Variants in CCNY observed in about 807,000 individuals in gnomAD.
The protein encoded by CCNY is cyclin Y, also known as cyclin-Y.
Under a neutral mutation model 42.8 loss-of-function variants are expected in CCNY, and 19 were observed. The observed-to-expected ratio is 0.44, with a 90% CI of 0.31 to 0.65. The LOEUF (loss-of-function observed/expected upper bound fraction) is 0.65, where lower values mean the gene tolerates loss of function less well. Among genes scored for constraint, CCNY ranks in the 30% least tolerant of loss-of-function variants. CCNY has a pLI of 0.07. For missense variants in CCNY, 370 were observed against 437.3 expected, an observed-to-expected ratio of 0.85 and a Z score of 1.37; for synonymous variants, 165 against 162.7, an observed-to-expected ratio of 1.01 and a Z score of -0.11.
At chr10:35,485,612 C>G (rs1272902568) in intron 2 of CCNY, among the ~76,000 whole-genome samples, 1 of 151,926 alleles carries the variant, frequency 6.6e-6, no homozygotes, top group Non-Finnish European at 1.5e-5. Context: ...GTATTCCCAG[C>G]CACTCAGGAG....
intron 3 of CCNY, among the ~76,000 whole-genome samples, chr10:35,266,334 A>G (rs895104988): frequency 3.2e-4 from 46 of 142,522 alleles, no homozygotes; most frequent in Middle Eastern, 3.6e-3. Flanking sequence ...TCCTGACCTC[A>G]GGTGATCTAC....
At chr10:35,514,810 A>AT (rs1840395680) in intron 3 of CCNY, among the ~76,000 whole-genome samples, 1 of 152,222 alleles carries the variant, frequency 6.6e-6, no homozygotes, top group African/African-American at 2.4e-5. Context: ...ACCAGAAAAA[A>AT]TTTAATTAAT....
At chr10:35,444,117 T>C (rs1838736086) in intron 1 of CCNY, among the ~76,000 whole-genome samples, 1 of 150,244 alleles carries the variant, frequency 6.7e-6, no homozygotes, top group Non-Finnish European at 1.5e-5. Context: ...TGAATACCCA[T>C]TTCCAACACA....
At chr10:35,405,877 G>A (rs1038836607) in intron 1 of CCNY, among the ~76,000 whole-genome samples, 3 of 152,188 alleles carry the variant, frequency 2.0e-5, no homozygotes, top group Non-Finnish European at 4.4e-5. Flanking sequence ...GATGGGACAC[G>A]GTTTAGGAGG....
chr10:35,552,556 A>G (rs1841281349), intron 7 of CCNY, among the ~76,000 whole-genome samples: 1 of 152,256 alleles, frequency 6.6e-6, no homozygotes, highest in African/African-American at 2.4e-5. Flanking sequence ...GGTAAATTAC[A>G]TGTTGTGTAT....
At position 35,427,019 on chromosome 10, in the gene CCNY, A is replaced by T. The variant is rs115576457; in HGVS notation, c.155-56385A>T. Among the ~76,000 whole-genome samples the T allele has an allele frequency of 6.8e-3, 1,034 of 152,348 alleles. 11 individuals carry two copies. The highest frequency in any genetic ancestry group is 0.024 in the African/African-American group (988 of 41,576). ...GAAACAATTTCTAAGACACATTAGT[A>T]CACTTTTTAAAAGTATATTTGTGTC... On this transcript the variant is annotated intron_variant, in intron 1 of 9. Coordinates refer to ENST00000374704, the MANE Select transcript of CCNY (RefSeq NM_145012.6).
At chr10:35,567,182 G>T (rs186541161) in intron 9 of CCNY, among the ~76,000 whole-genome samples, 83 of 152,322 alleles carry the variant, frequency 5.4e-4, no homozygotes, top group African/African-American at 1.7e-3. Flanking sequence ...AATCCAAAAA[G>T]ATTTGATTCT....
chr10:35,395,985 C>T (rs1837516294), intron 1 of CCNY, among the ~76,000 whole-genome samples: 1 of 151,976 alleles, frequency 6.6e-6, no homozygotes, highest in Non-Finnish European at 1.5e-5. Flanking sequence ...GGCTTTGGGT[C>T]TGTCTCAGTG....
chr10:35,287,746 G>A (rs1457614715), intron 3 of CCNY, among the ~76,000 whole-genome samples: 1 of 151,970 alleles, frequency 6.6e-6, no homozygotes, highest in Non-Finnish European at 1.5e-5. Context: ...ACTTGTTGAT[G>A]AACTTTTGGT....
intron 1 of CCNY, among the ~76,000 whole-genome samples, chr10:35,350,667 G>A (rs189361418): frequency 5.7e-4 from 87 of 152,292 alleles, no homozygotes; most frequent in Admixed American, 1.1e-3. Flanking sequence ...CTTTGAAGGG[G>A]AGAAAAACCC....
At chr10:35,511,100 A>G (rs1305193211) in intron 3 of CCNY, among the ~76,000 whole-genome samples, 1 of 152,200 alleles carries the variant, frequency 6.6e-6, no homozygotes, top group Non-Finnish European at 1.5e-5. Flanking sequence ...TCATTGCCAC[A>G]CAGCATGCCC....
intron 4 of CCNY, among the ~76,000 whole-genome samples, chr10:35,519,638 A>G (rs1840503237): frequency 6.6e-6 from 1 of 152,114 alleles, no homozygotes; most frequent in Non-Finnish European, 1.5e-5. Context: ...GCTGAAGAGT[A>G]GGAACAAGCT....
chr10:35,378,456 G>C (rs1416018332), intron 1 of CCNY, among the ~76,000 whole-genome samples: 1 of 152,102 alleles, frequency 6.6e-6, no homozygotes, highest in Non-Finnish European at 1.5e-5. Flanking sequence ...TGTGAGAATA[G>C]AGTGCTGGTG....
chr10:35,391,161 C>T (rs1183049655), intron 1 of CCNY, among the ~76,000 whole-genome samples: 1 of 152,218 alleles, frequency 6.6e-6, no homozygotes, highest in Non-Finnish European at 1.5e-5. Context: ...GCAGATGGAA[C>T]AATGGCCAGA....
intron 3 of CCNY, among the ~76,000 whole-genome samples, chr10:35,290,265 A>ACACACACACACACACACAC (rs1405052578): frequency 2.0e-5 from 1 of 50,158 alleles, no homozygotes; most frequent in African/African-American, 7.5e-5. Flanking sequence ...CACACACACA[A>ACACACACACACACACACAC]AATTAGCTGG....
chr10:35,417,761 C>T (rs1300556943), intron 1 of CCNY, among the ~76,000 whole-genome samples: 2 of 152,116 alleles, frequency 1.3e-5, no homozygotes, highest in Non-Finnish European at 1.5e-5. Flanking sequence ...CTATCAGAGC[C>T]CAATCTGTTA....
intron 1 of CCNY, among the ~76,000 whole-genome samples, chr10:35,436,976 A>G (rs1048580607): frequency 3.3e-5 from 5 of 152,236 alleles, no homozygotes; most frequent in African/African-American, 9.6e-5. Context: ...AGGCCTGACA[A>G]TCATGGCGGA....
At chr10:35,539,791 A>T (rs924178479) in intron 7 of CCNY, among the ~76,000 whole-genome samples, 2 of 152,220 alleles carry the variant, frequency 1.3e-5, no homozygotes, top group African/African-American at 4.8e-5. Context: ...GTCTCAAATA[A>T]AAAAGAAAAG....
At chr10:35,386,421 A>G (rs1684885898) in intron 1 of CCNY, among the ~76,000 whole-genome samples, 1 of 152,234 alleles carries the variant, frequency 6.6e-6, no homozygotes, top group African/African-American at 2.4e-5. Context: ...TCTGATATCC[A>G]AAGTTAGACT....
Sources: allele counts gnomAD v4.1 joint callset (sites outside exome capture counted in the v4.1 genomes callset), GRCh38; gene constraint gnomAD v4.1.1; transcripts MANE v1.5; gene names NCBI Gene and HGNC (gene_info 2026-07-23, HGNC 2026-07-21).